ETFBKMT: variants seen among roughly 807,000 people sequenced by gnomAD.
ETFBKMT encodes the protein electron transfer flavoprotein beta subunit lysine methyltransferase.
ETFBKMT carries 13 observed loss-of-function variants against 18.3 expected under a neutral mutation model. The observed-to-expected ratio is 0.71, with a 90% CI of 0.46 to 1.13. ETFBKMT has a LOEUF of 1.13. Among genes scored for constraint, ETFBKMT ranks in the 50% most tolerant of loss-of-function variants. The pLI is 0.00. For missense variants in ETFBKMT, 293 were observed against 306.2 expected (o/e 0.96, Z 0.32); for synonymous variants, 84 against 107.9 (o/e 0.78, Z 1.37).
In ETFBKMT at chr12:31,671,672, G is replaced by A. The variant is rs1165171508; in HGVS notation, c.*3682G>A. ...GCTTACAGATGCATAAAATGTAACTGGGAAGAGTAGCCATAAAAATCAATG... is the reference window on the plus strand; with the variant it reads ...GCTTACAGATGCATAAAATGTAACTAGGAAGAGTAGCCATAAAAATCAATG... On this transcript the variant is annotated 3_prime_UTR_variant, in exon 4 of 4. Transcript: ENST00000357721. 4.6e-5 allele frequency: 7 copies of A among 152,160 alleles called. No individual in the cohort carries two copies. Among genetic ancestry groups the A allele is most frequent in the African/African-American group, 7.2e-5 (3 of 41,442 alleles). The allele number at this position is 152,160 out of a possible 1,614,324, so 9.4% of individuals were successfully genotyped here.
intron 2 of ETFBKMT, among the ~76,000 whole-genome samples, chr12:31,663,836 C>T (rs1421238388): frequency 6.6e-6 from 1 of 151,996 alleles, no homozygotes; most frequent in Non-Finnish European, 1.5e-5. Context: ...CTAAACCGCA[C>T]TTTATTTCTC....
upstream of ETFBKMT, among the ~76,000 whole-genome samples, chr12:31,657,896 T>C (rs1029643838): frequency 6.6e-6 from 1 of 150,490 alleles, no homozygotes; most frequent in Non-Finnish European, 1.5e-5. Context: ...ACTAAGGCAA[T>C]GGCAGGAGGG....
At chr12:31,657,621 G>A (rs1434735057), upstream of ETFBKMT, among the ~76,000 whole-genome samples, 6 of 151,764 alleles carry the variant, frequency 4.0e-5, no homozygotes, top group East Asian at 1.9e-4. Flanking sequence ...GTGAAACCCC[G>A]TCTCTACTAA....
chr12:31,656,551 C>T (rs1308610820), upstream of ETFBKMT, among the ~76,000 whole-genome samples: 2 of 152,200 alleles, frequency 1.3e-5, no homozygotes, highest in Non-Finnish European at 2.9e-5. Context: ...TGCTGATGAA[C>T]AGCACAGGCC....
Position 31,672,575 on chromosome 12 carries a change from C to A in ETFBKMT, c.*4585C>A. 2.1e-6 allele frequency: 1 copy of A among 469,276 alleles called. No individual in the cohort carries two copies. Among genetic ancestry groups the A allele is most frequent in the South Asian group, 3.3e-5 (1 of 30,120 alleles). 29.1% of individuals were successfully genotyped at this position (469,276 alleles called of 1,614,324 possible). ...CTCACTATTATTAGGTGTAGTGCAC[C>A]TATCATGGTATTACTTGTTTAAAAA... is the stretch of plus-strand genomic sequence containing the variant. On this transcript the variant is annotated 3_prime_UTR_variant, in exon 4 of 4. Transcript: ENST00000357721.
chr12:31,661,947 A>G lies in ETFBKMT; in HGVS notation c.-7A>G, dbSNP rs775473501. 2 of 1,611,332 alleles carry G rather than the reference A, an allele frequency of 1.2e-6. No individual in the cohort carries two copies. The highest frequency in any genetic ancestry group is 2.2e-5 in the South Asian group (2 of 91,008). ...ATTGACAGAACCTGTGTTTGGGGAA[A>G]GGACTGATGGCTTTGAGTCTAGGTT... On this transcript the variant is annotated 5_prime_UTR_variant, in exon 2 of 4. Coordinates refer to ENST00000357721, the MANE Select transcript of ETFBKMT (RefSeq NM_001135863.2).
At chr12:31,659,126 G>A (rs552430427), upstream of ETFBKMT, 1 of 152,210 alleles carries the variant, frequency 6.6e-6, no homozygotes, top group African/African-American at 2.4e-5. Flanking sequence ...CTTTGGTTTC[G>A]CGCTTCTGTC....
Position 31,670,289 on chromosome 12 carries a change from T to G in ETFBKMT, c.*2299T>G, listed in dbSNP as rs1951250416. On this transcript the variant is annotated 3_prime_UTR_variant, in exon 4 of 4. Coordinates refer to ENST00000357721, the MANE Select transcript of ETFBKMT (RefSeq NM_001135863.2). The stretch of plus-strand genomic sequence containing the variant: ...CTATGGTTCTTTGTATTTGCGTTTC[T>G]AATTTGTGAGGCATTCTCTCTTTAA... 6.6e-6 allele frequency: 1 copy of G among 152,276 alleles called. No individual in the cohort carries two copies. Among genetic ancestry groups the G allele is most frequent in the East Asian group, 1.9e-4 (1 of 5,202 alleles). The allele number at this position is 152,276 out of a possible 1,614,324, so 9.4% of individuals were successfully genotyped here.
chr12:31,648,360 G>GTTTT (rs35137084), intron 1 of ETFBKMT, among the ~76,000 whole-genome samples: 4 of 117,854 alleles, frequency 3.4e-5, no homozygotes, highest in Admixed American at 9.0e-5. Context: ...GATGTAAATA[G>GTTTT]TTTTTTTTTT....
chr12:31,664,722 T>C (rs920649177), intron 2 of ETFBKMT, among the ~76,000 whole-genome samples: 1 of 150,642 alleles, frequency 6.6e-6, no homozygotes, highest in Non-Finnish European at 1.5e-5. Flanking sequence ...GTTCAAACGA[T>C]TCTCTGCCTC....
chr12:31,666,839 AGTAGAGATGGGGTTTCACCGT>A (rs1202139578), intron 3 of ETFBKMT, among the ~76,000 whole-genome samples: 1 of 146,010 alleles, frequency 6.8e-6, no homozygotes, highest in African/African-American at 2.6e-5. Context: ...TTGCATTTTT[AGTAGAGATGGGGTTTCACCGT>A]GTTATTCAGG....
chr12:31,654,813 C>T (rs996549866), upstream of ETFBKMT, among the ~76,000 whole-genome samples: 11 of 152,024 alleles, frequency 7.2e-5, no homozygotes, highest in South Asian at 2.1e-4. Flanking sequence ...CCCAGCACTT[C>T]GGGAGGCTGA....
intron 1 of ETFBKMT, among the ~76,000 whole-genome samples, chr12:31,649,441 T>C (rs1950996832): frequency 1.3e-5 from 2 of 152,326 alleles, no homozygotes; most frequent in African/African-American, 4.8e-5. Flanking sequence ...GGCTTTATTG[T>C]GCCTCACAGA....
chr12:31,652,718 G>A (rs1017220669), intron 1 of ETFBKMT, among the ~76,000 whole-genome samples: 1 of 152,248 alleles, frequency 6.6e-6, no homozygotes, highest in Non-Finnish European at 1.5e-5. Flanking sequence ...GGAAAGCAAT[G>A]CAGGTGGTGA....
chr12:31,652,944 C>T (rs1216805826), intron 1 of ETFBKMT, among the ~76,000 whole-genome samples: 2 of 152,252 alleles, frequency 1.3e-5, no homozygotes, highest in Non-Finnish European at 2.9e-5. Flanking sequence ...CGCGGTGGCT[C>T]ATGCCTGTAA....
chr12:31,656,041 T>C (rs1951059496), upstream of ETFBKMT, among the ~76,000 whole-genome samples: 1 of 152,246 alleles, frequency 6.6e-6, no homozygotes, highest in African/African-American at 2.4e-5. Flanking sequence ...GTTATTTTAC[T>C]CATGTATTTA....
chr12:31,653,208 C>CAAA lies in ETFBKMT; in HGVS notation c.-114+5969_-114+5971dup, dbSNP rs33928613. Among the ~76,000 whole-genome samples the CAAA allele has an allele frequency of 2.8e-3, 267 of 95,182 alleles. 6 individuals carry two copies. Among genetic ancestry groups the CAAA allele is most frequent in the African/African-American group, 4.3e-3 (100 of 23,416 alleles). 62.4% of individuals were successfully genotyped at this position (95,182 alleles called of 152,430 possible). ...TGGGCTATGCAGCGAGACTCCGTCT[C>CAAA]AAAAAAAAAAAAAAAAAAGGTACCA... On this transcript the variant is annotated intron_variant, in intron 1 of 3. Transcript: ENST00000412352.
chr12:31,657,729 T>A (rs937814534), upstream of ETFBKMT, among the ~76,000 whole-genome samples: 7 of 144,940 alleles, frequency 4.8e-5, no homozygotes. Context: ...GAGGCAGAGG[T>A]TACAATGAGC....
chr12:31,649,782 G>A (rs201610689), intron 1 of ETFBKMT, among the ~76,000 whole-genome samples: 2 of 74,136 alleles, frequency 2.7e-5, no homozygotes, highest in Non-Finnish European at 2.9e-5. Flanking sequence ...TTTTTTTTTT[G>A]AGACAGAATC....
Sources: allele counts gnomAD v4.1 joint callset (sites outside exome capture counted in the v4.1 genomes callset), GRCh38; gene constraint gnomAD v4.1.1; transcripts MANE v1.5; gene names NCBI Gene and HGNC (gene_info 2026-07-23, HGNC 2026-07-21).